TNFRSF1B: variants seen among roughly 807,000 people sequenced by gnomAD.
TNFRSF1B encodes the protein TNF receptor superfamily member 1B, also known as tumor necrosis factor receptor superfamily member 1B.
A neutral mutation model predicts 44.6 loss-of-function variants in TNFRSF1B; 19 were observed. That is an observed-to-expected ratio of 0.43 (90% CI 0.30 to 0.62). The LOEUF (loss-of-function observed/expected upper bound fraction) is 0.62, where lower values mean the gene tolerates loss of function less well. Among genes scored for constraint, TNFRSF1B ranks in the 20% least tolerant of loss-of-function variants. The pLI, the probability that TNFRSF1B is intolerant of heterozygous loss-of-function variation, is 0.16. For synonymous variants in TNFRSF1B, 252 were observed against 261.1 expected (o/e 0.97, Z 0.34); for missense variants, 541 against 619.9 (o/e 0.87, Z 1.35).
intron 1 of TNFRSF1B, among the ~76,000 whole-genome samples, chr1:12,184,005 T>C (rs1218868080): frequency 6.6e-6 from 1 of 152,208 alleles, no homozygotes; most frequent in Non-Finnish European, 1.5e-5. Context: ...AGATTGTAGT[T>C]TGCTGAACAC....
At position 12,186,735 on chromosome 1, in the gene TNFRSF1B, C is replaced by T. The variant is rs1182315787; in HGVS notation, c.79-2061C>T. On this transcript the variant is annotated intron_variant, in intron 1 of 9. Transcript: ENST00000376259. The surrounding 1 kb of genome is among the most constrained non-coding windows in gnomAD (Gnocchi z 4.8). ...AGCTGGCAGTACAGTGGGGAGTGCG[C>T]CAGCCCTGGCTCTGACCTCCTAGAA... 1.3e-5 allele frequency among the ~76,000 whole-genome samples: 2 copies of T among 152,230 alleles called. No individual in the cohort carries two copies. Among genetic ancestry groups the T allele is most frequent in the African/African-American group, 4.8e-5 (2 of 41,460 alleles).
At chr1:12,203,737 T>A (rs561222590) in intron 9 of TNFRSF1B, among the ~76,000 whole-genome samples, 29 of 152,206 alleles carry the variant, frequency 1.9e-4, no homozygotes, top group Admixed American at 1.4e-3. Flanking sequence ...TTTTTTTTTT[T>A]AAATGGGGTC....
chr1:12,192,549 T>C, intron 5 of TNFRSF1B, 25 bp downstream of exon 5: 1 of 1,610,168 alleles, frequency 6.2e-7, no homozygotes, highest in Non-Finnish European at 8.5e-7. Flanking sequence ...CCTTTGGTTC[T>C]GGAGGAGCAG....
rs1638450645 is a variant in TNFRSF1B at position 12,168,658 on chromosome 1, G to A, written c.78+1489G>A. Among the ~76,000 whole-genome samples the A allele has an allele frequency of 6.6e-6, 1 of 152,256 alleles. No individual in the cohort carries two copies. Among genetic ancestry groups the A allele is most frequent in the Non-Finnish European group, 1.5e-5 (1 of 68,000 alleles). ...CAGCAGGACACCAGGCTGCAGTCCT[G>A]GAGTAGCTGGAGGAGGTTCCCTCCC... On this transcript the variant is annotated intron_variant, in intron 1 of 9. Coordinates refer to ENST00000376259, the MANE Select transcript of TNFRSF1B (RefSeq NM_001066.3). This position sits in a 1 kb window ranked among gnomAD's most constrained non-coding sequence, Gnocchi z 4.7.
Position 12,202,737 on chromosome 1 carries a change from G to A in TNFRSF1B, c.1105+566G>A, listed in dbSNP as rs5746060. Among the ~76,000 whole-genome samples the A allele has an allele frequency of 6.6e-5, 10 of 152,374 alleles. No homozygotes were observed. The East Asian group carries it at 1.7e-3, about 26-fold the overall frequency. ...AAACTGACCTGCATGTCAATGCTAA[G>A]AGATAGTTCCTGTTGTTATCCCATT... On this transcript the variant is annotated intron_variant, in intron 9 of 9. Transcript: ENST00000376259.
chr1:12,170,659 A>G (rs1319042198), intron 1 of TNFRSF1B, among the ~76,000 whole-genome samples: 2 of 151,868 alleles, frequency 1.3e-5, no homozygotes, highest in East Asian at 1.9e-4. Context: ...CTCTACACCA[A>G]CTCACTTCTT....
chr1:12,189,031 T>G, intron 2 of TNFRSF1B, 136 bp downstream of exon 2: 1 of 693,504 alleles, frequency 1.4e-6, no homozygotes, highest in South Asian at 2.0e-5. Context: ...TCCCTGCTGC[T>G]TCTGGGCCTG....
intron 8 of TNFRSF1B, among the ~76,000 whole-genome samples, chr1:12,200,295 C>G (rs1273995460): frequency 2.0e-5 from 3 of 151,918 alleles, no homozygotes; most frequent in Non-Finnish European, 4.4e-5. Flanking sequence ...AAGAAGACAT[C>G]AGGGGAAGTT....
intron 9 of TNFRSF1B, among the ~76,000 whole-genome samples, chr1:12,206,424 C>T (rs991905457): frequency 6.6e-6 from 1 of 151,394 alleles, no homozygotes; most frequent in Admixed American, 6.6e-5. Flanking sequence ...TGGTCTTGAA[C>T]TCCTGGGCTC....
intron 1 of TNFRSF1B, among the ~76,000 whole-genome samples, chr1:12,174,539 C>T (rs1429240678): frequency 2.6e-5 from 4 of 152,160 alleles, no homozygotes; most frequent in African/African-American, 9.7e-5. Flanking sequence ...TGAGCCACTG[C>T]GCCCAGCTTC....
Position 12,202,015 on chromosome 1 carries a change from C to T in TNFRSF1B, c.949C>T (p.Gln317Ter). 1 of 1,613,022 alleles carries T rather than the reference C, an allele frequency of 6.2e-7. No individual in the cohort carries two copies. The highest frequency in any genetic ancestry group is 8.5e-7 in the Non-Finnish European group (1 of 1,179,822). Residue 317 changes from glutamine (Q) to a stop codon, truncating the protein, a stop_gained, in exon 9 of 10, where the codon CAG becomes TAG. Coordinates refer to ENST00000376259, the MANE Select transcript of TNFRSF1B (RefSeq NM_001066.3). LOFTEE classifies it high-confidence loss of function. ...CCGGGGTACACAGGGCCCCGAGCAG[C>T]AGCACCTGCTGATCACAGCGCCGAG... The part of the protein sequence containing the change: ...KARGTQGPEQ[Q>*]HLLITAPSSS...
Position 12,207,140 on chromosome 1 carries a change from C to T in TNFRSF1B, c.*120C>T, listed in dbSNP as rs186736505. On this transcript the variant is annotated 3_prime_UTR_variant, in exon 10 of 10. Transcript: ENST00000376259. ...TAGGACTCTGAGGCTCTTTCTGGGC[C>T]AAGTTCCTCTAGTGCCCTCCACAGC... 8.8e-7 allele frequency: 1 copy of T among 1,141,058 alleles called. No homozygotes were observed. Among genetic ancestry groups the T allele is most frequent in the Non-Finnish European group, 1.2e-6 (1 of 841,286 alleles). The allele number at this position is 1,141,058 out of a possible 1,614,324, so 70.7% of individuals were successfully genotyped here.
chr1:12,173,762 G>A (rs1638572061), intron 1 of TNFRSF1B, among the ~76,000 whole-genome samples: 1 of 152,184 alleles, frequency 6.6e-6, no homozygotes, highest in African/African-American at 2.4e-5. Flanking sequence ...CTAGGGCTTT[G>A]GGCCTTGATC....
chr1:12,173,374 C>G (rs1638563151), intron 1 of TNFRSF1B, among the ~76,000 whole-genome samples: 1 of 152,168 alleles, frequency 6.6e-6, no homozygotes, highest in Admixed American at 6.5e-5. Context: ...TCTTGCTGAC[C>G]TCAATCTCAC....
At position 12,187,812 on chromosome 1, in the gene TNFRSF1B, G is replaced by A. The variant is rs1639019639; in HGVS notation, c.79-984G>A. Among the ~76,000 whole-genome samples, 1 of 152,156 alleles carries A rather than the reference G, an allele frequency of 6.6e-6. No homozygotes were observed. Among genetic ancestry groups the A allele is most frequent in the Admixed American group, 6.5e-5 (1 of 15,290 alleles). On this transcript the variant is annotated intron_variant, in intron 1 of 9. Transcript: ENST00000376259. The surrounding 1 kb of genome is among the most constrained non-coding windows in gnomAD (Gnocchi z 5.5). ...AGCAGGCAGGGCAGGTCAGGGGAGG[G>A]GGCTTAGCAGGGACGTTGTTCACCA... is the stretch of plus-strand genomic sequence containing the variant.
intron 8 of TNFRSF1B, among the ~76,000 whole-genome samples, chr1:12,198,693 T>TTTTTTTTTTTTG (rs1300535556): frequency 3.8e-5 from 5 of 132,648 alleles, no homozygotes; most frequent in Admixed American, 1.5e-4. Flanking sequence ...GGAATTCTGT[T>TTTTTTTTTTTTG]TTTTTTTTTT....
intron 8 of TNFRSF1B, among the ~76,000 whole-genome samples, chr1:12,196,420 T>G (rs1434109379): frequency 6.6e-6 from 1 of 152,242 alleles, no homozygotes; most frequent in African/African-American, 2.4e-5. Flanking sequence ...TCATTCCCAC[T>G]CCAGTGGTGA....
At chr1:12,167,738 G>A (rs1028699720) in intron 1 of TNFRSF1B, among the ~76,000 whole-genome samples, 8 of 152,220 alleles carry the variant, frequency 5.3e-5, no homozygotes, top group African/African-American at 1.9e-4. Flanking sequence ...GCTGGAGGGC[G>A]AGCTGCCTGT....
chr1:12,196,563 A>G (rs778798334), intron 8 of TNFRSF1B, among the ~76,000 whole-genome samples: 4 of 152,160 alleles, frequency 2.6e-5, no homozygotes, highest in Non-Finnish European at 5.9e-5. Flanking sequence ...GGTGTTTGGA[A>G]TCAGATAGAT....
Sources: allele counts gnomAD v4.1 joint callset (sites outside exome capture counted in the v4.1 genomes callset), GRCh38; gene constraint gnomAD v4.1.1; non-coding constraint Gnocchi (gnomAD v3.1); transcripts MANE v1.5; gene names NCBI Gene and HGNC (gene_info 2026-07-23, HGNC 2026-07-21).